The following RYR2 variants were observed in gnomAD, a reference collection of about 807,000 sequenced individuals.
RYR2 encodes the protein cardiac muscle ryanodine receptor-calcium release channel.
Under a neutral mutation model 601.1 loss-of-function variants are expected in RYR2, and 227 were observed. The observed-to-expected ratio is 0.38, with a 90% confidence interval of 0.34 to 0.42. The LOEUF is 0.42. RYR2 is among the 10% of genes least tolerant of loss of function. RYR2 has a pLI of 1.00. For synonymous variants in RYR2, 2,223 were observed against 2,175.1 expected (o/e 1.02, Z -0.61); for missense variants, 4,646 against 6,156.5 (o/e 0.75, Z 8.21).
At chr1:237,195,850 A>G (rs1680504109) in intron 1 of RYR2, among the ~76,000 whole-genome samples, 2 of 152,214 alleles carry the variant, frequency 1.3e-5, no homozygotes, top group African/African-American at 4.8e-5. Context: ...ATTACCCGGG[A>G]AGTAATGAGC....
rs774694245 is a variant in RYR2, at chr1:237,493,002, C to T, written c.1876C>T (p.Arg626Cys). 4 of 1,610,320 alleles carry T rather than the reference C, an allele frequency of 2.5e-6. No individual in the cohort carries two copies. The highest frequency in any genetic ancestry group is 2.2e-5 in the East Asian group (1 of 44,836). The change falls in exon 19 of 105, where the codon CGT becomes TGT. Residue 626 changes from arginine (R) to cysteine (C), a missense_variant. Arg to Cys is a radical substitution (Grantham distance 180). Coordinates refer to ENST00000366574, the MANE Select transcript of RYR2 (RefSeq NM_001035.3). Reference protein sequence around the residue: ...SLCVCHGVAVRSNQHLICDNL... With the variant: ...SLCVCHGVAVCSNQHLICDNL... ...CTGTGTTTGCCACGGGGTTGCAGTC[C>T]GTTCTAACCAGCATCTCATCTGTGA...
chr1:237,200,494 G>A (rs1398044279), intron 1 of RYR2, among the ~76,000 whole-genome samples: 1 of 152,116 alleles, frequency 6.6e-6, no homozygotes, highest in Non-Finnish European at 1.5e-5. Context: ...TGAACTCCTG[G>A]TCTCAAGTGA....
At chr1:237,165,423 C>A (rs1195068576) in intron 1 of RYR2, among the ~76,000 whole-genome samples, 1 of 152,180 alleles carries the variant, frequency 6.6e-6, no homozygotes, top group Non-Finnish European at 1.5e-5. Context: ...TCATTGAAAG[C>A]ACTGTAAAGA....
intron 1 of RYR2, among the ~76,000 whole-genome samples, chr1:237,256,217 C>CAT (rs1687960524): frequency 7.2e-5 from 11 of 151,934 alleles, no homozygotes; most frequent in Admixed American, 6.6e-4. Flanking sequence ...TTTTCTCTTG[C>CAT]CTGCCGCCGT....
intron 1 of RYR2, among the ~76,000 whole-genome samples, chr1:237,210,388 G>A (rs947807322): frequency 6.6e-6 from 1 of 151,830 alleles, no homozygotes; most frequent in Non-Finnish European, 1.5e-5. Flanking sequence ...ACAAAGGTCT[G>A]TTTTTTTTCT....
intron 2 of RYR2, among the ~76,000 whole-genome samples, chr1:237,317,281 T>C (rs1274715066): frequency 6.6e-6 from 1 of 152,200 alleles, no homozygotes; most frequent in Admixed American, 6.5e-5. Flanking sequence ...TAAGATCTGT[T>C]CAAAGGCACG....
chr1:237,275,738 C>G (rs1300219388), intron 2 of RYR2, among the ~76,000 whole-genome samples: 1 of 151,982 alleles, frequency 6.6e-6, no homozygotes, highest in Non-Finnish European at 1.5e-5. Context: ...ATAGAATATA[C>G]CTTTCTTTAA....
chr1:237,149,820 T>C (rs1197702631), intron 1 of RYR2, among the ~76,000 whole-genome samples: 1 of 151,602 alleles, frequency 6.6e-6, no homozygotes, highest in Non-Finnish European at 1.5e-5. Flanking sequence ...TATCTTGAAA[T>C]GCTGCCTTTC....
Position 237,550,665 on chromosome 1 carries a change from A to G in RYR2, c.3188A>G (p.Asn1063Ser). The change falls in exon 27 of 105, where the codon AAC becomes AGC. Residue 1063 changes from asparagine (N) to serine (S), a missense_variant. Physicochemically the swap from Asn to Ser is conservative, Grantham distance 46. Around this residue, in one of 17 missense-constraint regions of RYR2, gnomAD observed 1,807 missense variants for 2,088.1 expected, o/e 0.87. Coordinates refer to ENST00000366574, the MANE Select transcript of RYR2 (RefSeq NM_001035.3). ...AVRTLLGYGYNLEAPDQDHAA... is the reference protein window; with the variant it reads ...AVRTLLGYGYSLEAPDQDHAA... ...CGCACGCTGCTGGGGTACGGCTACA[A>G]CTTGGAAGCACCAGATCAAGATCAT... The G allele has an allele frequency of 6.4e-7, 1 of 1,562,004 alleles. No homozygotes were observed. Among genetic ancestry groups the G allele is most frequent in the Non-Finnish European group, 8.7e-7 (1 of 1,152,976 alleles).
intron 100 of RYR2, among the ~76,000 whole-genome samples, chr1:237,809,886 A>G (rs978636181): frequency 4.6e-5 from 7 of 152,216 alleles, no homozygotes; most frequent in Non-Finnish European, 1.0e-4. Context: ...CGGAAATTAA[A>G]AGATGATAAA....
chr1:237,760,592 A>G (rs1693342651), intron 83 of RYR2, among the ~76,000 whole-genome samples: 1 of 152,146 alleles, frequency 6.6e-6, no homozygotes, highest in South Asian at 2.1e-4. Flanking sequence ...AATCATTCAG[A>G]CAGCATTTGA....
intron 1 of RYR2, among the ~76,000 whole-genome samples, chr1:237,224,261 T>C (rs1189299938): frequency 6.6e-6 from 1 of 152,216 alleles, no homozygotes; most frequent in Non-Finnish European, 1.5e-5. Context: ...ATAAGGATGG[T>C]ATATCATGAG....
intron 99 of RYR2, 73 bp from the exon 100 acceptor site, chr1:237,808,828 C>G: frequency 1.4e-6 from 2 of 1,461,658 alleles, no homozygotes; most frequent in Non-Finnish European, 1.9e-6. Context: ...GCACTCGCCG[C>G]CCATGTAGAT....
At chr1:237,797,896 G>T (rs1659446288) in intron 96 of RYR2, 141 bp from the exon 97 acceptor site, 2 of 703,960 alleles carry the variant, frequency 2.8e-6, no homozygotes, top group Non-Finnish European at 4.6e-6. Flanking sequence ...GATCACAGAA[G>T]GTGAGCCACA....
At chr1:237,830,293 G>A in intron 102 of RYR2, 1 of 408,638 alleles carries the variant, frequency 2.4e-6, no homozygotes, top group South Asian at 2.7e-5. Flanking sequence ...TCATCATCTT[G>A]TTCCCTGTCT....
chr1:237,670,321 G>GGGAGACTGTGGGGAGAGGGAGACT (rs1364090711), intron 58 of RYR2, among the ~76,000 whole-genome samples: 3 of 131,806 alleles, frequency 2.3e-5, no homozygotes, highest in African/African-American at 8.7e-5. Flanking sequence ...GAGAGGGAGA[G>GGGAGACTGTGGGGAGAGGGAGACT]GGAGAGGGAG....
intron 2 of RYR2, among the ~76,000 whole-genome samples, chr1:237,308,690 C>G (rs995796634): frequency 6.6e-6 from 1 of 152,204 alleles, no homozygotes; most frequent in Admixed American, 6.5e-5. Context: ...GTGAGTGTTA[C>G]AGCTCATAAA....
At position 237,784,987 on chromosome 1, in the gene RYR2, A is replaced by G. The variant is rs1197228801; in HGVS notation, c.13260+15A>G. On this transcript the variant is annotated intron_variant, in intron 90 of 104. Coordinates refer to ENST00000366574, the MANE Select transcript of RYR2 (RefSeq NM_001035.3). The surrounding 1 kb of genome is among the most constrained non-coding windows in gnomAD (Gnocchi z 7.1). ...AAAAATTTCAGGTAATTTATCTCTAAGTCACAGCAGCATTCTCTCTGGACT... is the reference window on the plus strand; with the variant it reads ...AAAAATTTCAGGTAATTTATCTCTAGGTCACAGCAGCATTCTCTCTGGACT... The G allele has an allele frequency of 2.0e-6, 3 of 1,527,632 alleles. No homozygotes were observed. Among genetic ancestry groups the G allele is most frequent in the Non-Finnish European group, 2.7e-6 (3 of 1,125,224 alleles). 94.6% of individuals were successfully genotyped at this position (1,527,632 alleles called of 1,614,324 possible).
At chr1:237,430,373 T>C (rs999725673) in intron 12 of RYR2, among the ~76,000 whole-genome samples, 2 of 151,796 alleles carry the variant, frequency 1.3e-5, no homozygotes, top group African/African-American at 4.8e-5. Context: ...GTATTGCAAA[T>C]CTTATGATAG....
Sources: gnomAD v4.1 joint callset for allele counts (sites outside exome capture counted in the v4.1 genomes callset) on GRCh38, gnomAD v4.1.1 for gene constraint, gnomAD v4.1.1 regional missense constraint, Gnocchi (gnomAD v3.1) non-coding constraint, MANE v1.5 for transcripts, NCBI Gene and HGNC (gene_info 2026-07-23, HGNC 2026-07-21) for gene names.